Variants in LINGO2 observed in about 807,000 individuals in gnomAD.
The protein encoded by LINGO2 is leucine-rich repeat and immunoglobulin-like domain-containing nogo receptor-interacting protein 2.
A neutral mutation model predicts 30.6 loss-of-function variants in LINGO2; 14 were observed. The observed-to-expected ratio is 0.46, with a 90% CI of 0.30 to 0.72. The LOEUF (loss-of-function observed/expected upper bound fraction) is 0.72, where lower values mean the gene tolerates loss of function less well. Ranked by LOEUF, LINGO2 falls within the 30% of genes least tolerant of loss-of-function variation. The pLI is 0.07. For synonymous variants in LINGO2, 317 were observed against 288.5 expected, an observed-to-expected ratio of 1.10 and a Z score of -1.00; for missense variants, 729 against 751.7, an observed-to-expected ratio of 0.97 and a Z score of 0.35.
the LINGO2 span, among the ~76,000 whole-genome samples, chr9:29,144,283 A>T: frequency 2.1e-4 from 31 of 147,492 alleles, 1 homozygote; most frequent in South Asian, 6.4e-4. Flanking sequence ...TAGCTTTTTT[A>T]AAATTCTGTA....
At chr9:28,883,698 G>A in the LINGO2 span, among the ~76,000 whole-genome samples, 1 of 126,218 alleles carries the variant, frequency 7.9e-6, no homozygotes, top group Admixed American at 8.7e-5. Context: ...TTGTTTTTGA[G>A]ATGGAGTCTT....
chr9:28,957,894 A>C, the LINGO2 span, among the ~76,000 whole-genome samples: 1 of 152,148 alleles, frequency 6.6e-6, no homozygotes, highest in Admixed American at 6.6e-5. Context: ...GCAATGCACT[A>C]ATTTCTTTAC....
chr9:28,727,747 G>A, the LINGO2 span, among the ~76,000 whole-genome samples: 5 of 152,280 alleles, frequency 3.3e-5, no homozygotes, highest in South Asian at 1.0e-3. Flanking sequence ...GCTGTAGTTT[G>A]GAAGAAATCT....
At chr9:28,448,736 A>G (rs1433670035) in intron 2 of LINGO2, among the ~76,000 whole-genome samples, 2 of 152,100 alleles carry the variant, frequency 1.3e-5, no homozygotes, top group Non-Finnish European at 2.9e-5. Context: ...AGGTGGAAGG[A>G]GCATTTAAGC....
chr9:29,052,338 T>C, the LINGO2 span, among the ~76,000 whole-genome samples: 6 of 152,192 alleles, frequency 3.9e-5, no homozygotes, highest in Admixed American at 2.0e-4. Flanking sequence ...TATGATGAGA[T>C]CATTGCTGCT....
chr9:29,039,324 TAA>T, the LINGO2 span, among the ~76,000 whole-genome samples: 1 of 152,140 alleles, frequency 6.6e-6, no homozygotes, highest in Non-Finnish European at 1.5e-5. Context: ...TATATATGCA[TAA>T]GTCTACTGAG....
At chr9:28,302,984 C>A (rs1824206114) in intron 3 of LINGO2, among the ~76,000 whole-genome samples, 2 of 152,080 alleles carry the variant, frequency 1.3e-5, no homozygotes, top group Admixed American at 6.6e-5. Context: ...TTGTATAGGT[C>A]TTACGCTTTC....
chr9:28,834,038 G>C, the LINGO2 span, among the ~76,000 whole-genome samples: 8 of 135,344 alleles, frequency 5.9e-5, no homozygotes, highest in African/African-American at 2.2e-4. Flanking sequence ...TTTTTTTCTT[G>C]TTCCTTTTGG....
intron 2 of LINGO2, among the ~76,000 whole-genome samples, chr9:28,467,036 G>C (rs796138496): frequency 1.0e-5 from 1 of 98,486 alleles, no homozygotes; most frequent in Non-Finnish European, 2.1e-5. Context: ...CTTTTTTTTT[G>C]GGGGGGGGGG....
the LINGO2 span, among the ~76,000 whole-genome samples, chr9:29,016,093 G>T: frequency 1.3e-5 from 2 of 152,136 alleles, no homozygotes; most frequent in African/African-American, 4.8e-5. Context: ...TTACTTCAGA[G>T]ATTCTGATTC....
the LINGO2 span, among the ~76,000 whole-genome samples, chr9:29,016,389 T>C: frequency 1.3e-5 from 2 of 152,170 alleles, no homozygotes; most frequent in African/African-American, 2.4e-5. Flanking sequence ...AAGTGACTGC[T>C]TGTGGGCTTC....
chr9:27,952,240 T>C (rs1485805683), intron 5 of LINGO2, among the ~76,000 whole-genome samples: 1 of 151,976 alleles, frequency 6.6e-6, no homozygotes, highest in African/African-American at 2.4e-5. Context: ...ATTATCTCAG[T>C]CATGGCATCT....
chr9:28,933,367 T>C, the LINGO2 span, among the ~76,000 whole-genome samples: 2 of 152,250 alleles, frequency 1.3e-5, no homozygotes, highest in Non-Finnish European at 2.9e-5. Flanking sequence ...TCTTTAACCC[T>C]GAGTTTCTAG....
chr9:28,149,392 A>C (rs1489629138), intron 4 of LINGO2, among the ~76,000 whole-genome samples: 1 of 143,154 alleles, frequency 7.0e-6, no homozygotes, highest in Non-Finnish European at 1.5e-5. Flanking sequence ...AGGCTGCTCC[A>C]CCGTCTGGGA....
chr9:28,354,474 A>AT (rs1820077062), intron 3 of LINGO2, among the ~76,000 whole-genome samples: 2 of 152,148 alleles, frequency 1.3e-5, no homozygotes, highest in Admixed American at 6.6e-5. Context: ...GAACTTCATA[A>AT]TTTTTTATGT....
the LINGO2 span, among the ~76,000 whole-genome samples, chr9:28,735,972 G>A: frequency 6.9e-6 from 1 of 144,770 alleles, no homozygotes; most frequent in Non-Finnish European, 1.5e-5. Flanking sequence ...AGGATGTCAT[G>A]TGAAAAATTA....
intron 4 of LINGO2, among the ~76,000 whole-genome samples, chr9:28,203,815 T>A (rs4878834): frequency 6.6e-6 from 1 of 152,108 alleles, no homozygotes; most frequent in Admixed American, 6.6e-5. Context: ...TTTGGTGGAA[T>A]ACTATTTCAT....
At chr9:28,184,239 T>C (rs926919048) in intron 4 of LINGO2, among the ~76,000 whole-genome samples, 1 of 152,156 alleles carries the variant, frequency 6.6e-6, no homozygotes, top group Non-Finnish European at 1.5e-5. Context: ...AAATGCTGTA[T>C]ACTTCTTTTG....
At chr9:28,986,849 T>A in the LINGO2 span, among the ~76,000 whole-genome samples, 2 of 152,144 alleles carry the variant, frequency 1.3e-5, no homozygotes, top group African/African-American at 4.8e-5. Flanking sequence ...AAAAACAGAA[T>A]GGTTAAATAG....
Sources: gnomAD v4.1 joint callset for allele counts (sites outside exome capture counted in the v4.1 genomes callset) on GRCh38, gnomAD v4.1.1 for gene constraint, MANE v1.5 for transcripts, NCBI Gene and HGNC (gene_info 2026-07-23, HGNC 2026-07-21) for gene names.